RGPD2: variants seen among roughly 807,000 people sequenced by gnomAD.
RGPD2 encodes the protein RANBP2 like and GRIP domain containing 2.
RGPD2 carries 2 observed loss-of-function variants against 36.0 expected under a neutral mutation model. The ratio of observed to expected loss-of-function variants is 0.06; its 90% CI spans 0.02 to 0.17. The LOEUF (loss-of-function observed/expected upper bound fraction) is 0.17, where lower values mean the gene tolerates loss of function less well. Among genes scored for constraint, RGPD2 ranks in the 10% least tolerant of loss-of-function variants. The pLI is 1.00. For missense variants in RGPD2, 40 were observed against 464.3 expected (o/e 0.09, Z 8.40); for synonymous variants, 19 against 163.8 (o/e 0.12, Z 6.75).
At chr2:87,944,539 T>C in the RGPD2 span, among the ~76,000 whole-genome samples, 1 of 103,886 alleles carries the variant, frequency 9.6e-6, no homozygotes, top group South Asian at 3.3e-4. Flanking sequence ...AAGACACTGC[T>C]GTCTTTTCTT....
chr2:87,957,393 G>A, the RGPD2 span, among the ~76,000 whole-genome samples: 15 of 151,268 alleles, frequency 9.9e-5, no homozygotes, highest in African/African-American at 3.4e-4. Flanking sequence ...TATCATGCTG[G>A]CCTCTTGACA....
At chr2:87,959,058 T>A in the RGPD2 span, among the ~76,000 whole-genome samples, 11 of 23,238 alleles carry the variant, frequency 4.7e-4, 5 homozygotes, top group Non-Finnish European at 1.4e-3. Flanking sequence ...ATATATATAT[T>A]TTTTTTAAGC....
the RGPD2 span, among the ~76,000 whole-genome samples, chr2:87,902,741 A>ATGTCAT: frequency 6.6e-6 from 1 of 152,088 alleles, no homozygotes; most frequent in Non-Finnish European, 1.5e-5. Context: ...TAAAGATATG[A>ATGTCAT]CATAATAAAA....
chr2:87,851,363 T>G, the RGPD2 span, among the ~76,000 whole-genome samples: 1 of 148,154 alleles, frequency 6.7e-6, no homozygotes. Context: ...TCCAGCCTGG[T>G]CCACAGAGTG....
At chr2:87,766,349 G>GT (rs1684976581) in intron 22 of RGPD2, among the ~76,000 whole-genome samples, 1 of 46,628 alleles carries the variant, frequency 2.1e-5, no homozygotes, top group African/African-American at 8.3e-5. Flanking sequence ...TTGTGTACAG[G>GT]TTTTTAATTA....
the RGPD2 span, among the ~76,000 whole-genome samples, chr2:87,842,049 G>C: frequency 6.6e-6 from 1 of 151,110 alleles, no homozygotes; most frequent in Admixed American, 6.6e-5. Context: ...AGGTATTGAT[G>C]GGATGTATCT....
intron 1 of RGPD2, chr2:87,825,220 A>C: frequency 7.6e-6 from 3 of 394,714 alleles, no homozygotes; most frequent in Non-Finnish European, 8.9e-6. Flanking sequence ...CCTCATCAAC[A>C]ACCGACTAAT....
intron 22 of RGPD2, among the ~76,000 whole-genome samples, chr2:87,769,211 A>T (rs1182278693): frequency 7.5e-6 from 1 of 133,782 alleles, no homozygotes; most frequent in Non-Finnish European, 1.6e-5. Context: ...CAGGTGATCT[A>T]CCCTCCTCAG....
At chr2:87,777,661 A>AT (rs3045181) in intron 20 of RGPD2, among the ~76,000 whole-genome samples, 1 of 152,192 alleles carries the variant, frequency 6.6e-6, no homozygotes, top group Admixed American at 6.6e-5. Context: ...CTGATAAACT[A>AT]TATTTTTTCT....
the RGPD2 span, among the ~76,000 whole-genome samples, chr2:87,935,254 A>C: frequency 6.7e-6 from 1 of 149,268 alleles, no homozygotes; most frequent in Non-Finnish European, 1.5e-5. Context: ...ATATCATTAA[A>C]CAGTATCTGC....
chr2:87,961,579 G>C, the RGPD2 span, among the ~76,000 whole-genome samples: 2 of 150,538 alleles, frequency 1.3e-5, no homozygotes, highest in Non-Finnish European at 3.0e-5. Flanking sequence ...GTGGGCCCCT[G>C]TAATCCCAGC....
chr2:87,845,947 A>G, the RGPD2 span, among the ~76,000 whole-genome samples: 1 of 151,602 alleles, frequency 6.6e-6, no homozygotes, highest in Non-Finnish European at 1.5e-5. Flanking sequence ...TTGTGATTTT[A>G]TTTTCTTAAT....
chr2:87,791,281 G>A (rs534578878), intron 17 of RGPD2, among the ~76,000 whole-genome samples: 3 of 152,306 alleles, frequency 2.0e-5, no homozygotes, highest in South Asian at 2.1e-4. Context: ...GGGAGGCCAA[G>A]GCGGGCAGAT....
At chr2:87,761,071 G>C (rs1338259541) in intron 22 of RGPD2, among the ~76,000 whole-genome samples, 2 of 55,680 alleles carry the variant, frequency 3.6e-5, no homozygotes, top group Non-Finnish European at 6.8e-5. Flanking sequence ...ACATCTCTTT[G>C]AGCTCACTGA....
the RGPD2 span, among the ~76,000 whole-genome samples, chr2:87,888,546 C>T: frequency 7.0e-5 from 6 of 86,282 alleles, no homozygotes; most frequent in Non-Finnish European, 9.3e-5. Context: ...AAGAACAAAT[C>T]GGGGCATGGA....
At chr2:87,869,139 T>TA in the RGPD2 span, among the ~76,000 whole-genome samples, 1 of 149,502 alleles carries the variant, frequency 6.7e-6, no homozygotes. Context: ...GGTCCTTATT[T>TA]AAACCCTTAA....
At chr2:87,861,544 T>C in the RGPD2 span, among the ~76,000 whole-genome samples, 1 of 152,212 alleles carries the variant, frequency 6.6e-6, no homozygotes, top group Admixed American at 6.5e-5. Context: ...GGTTATCATC[T>C]CCTTTGCTCC....
chr2:87,809,109 TC>T (rs1686047959), intron 6 of RGPD2, among the ~76,000 whole-genome samples: 1 of 137,946 alleles, frequency 7.2e-6, no homozygotes, highest in South Asian at 2.6e-4. Flanking sequence ...ATCAAGACCA[TC>T]CTGGCTAACA....
the RGPD2 span, among the ~76,000 whole-genome samples, chr2:87,844,884 C>T: frequency 0.03 from 3,811 of 126,376 alleles, 146 homozygotes; most frequent in African/African-American, 0.11. Flanking sequence ...ACTTCTATTA[C>T]TTGCAGTATT....
Sources: allele counts gnomAD v4.1 joint callset (sites outside exome capture counted in the v4.1 genomes callset), GRCh38; gene constraint gnomAD v4.1.1; transcripts MANE v1.5; gene names NCBI Gene and HGNC (gene_info 2026-07-23, HGNC 2026-07-21).